The following ADARB2 variants were observed in gnomAD, a reference collection of about 807,000 sequenced individuals.
The protein encoded by ADARB2 is adenosine deaminase RNA specific B2 (inactive).
In ADARB2, 25 loss-of-function variants were observed where a neutral mutation model predicts 62.2. That is an observed-to-expected ratio of 0.40 (90% CI 0.29 to 0.56). ADARB2 has a LOEUF of 0.56. Ranked by LOEUF, ADARB2 falls within the 20% of genes least tolerant of loss-of-function variation. The pLI is 0.43. For synonymous variants in ADARB2, 572 were observed against 500.8 expected (o/e 1.14, Z -1.90); for missense variants, 1,071 against 1,077.4 (o/e 0.99, Z 0.08).
At chr10:1,649,582 G>T (rs781490432) in intron 1 of ADARB2, among the ~76,000 whole-genome samples, 2 of 152,240 alleles carry the variant, frequency 1.3e-5, no homozygotes, top group African/African-American at 4.8e-5. Flanking sequence ...AGGCACATAT[G>T]TGAAATTCTA....
At chr10:1,549,426 T>C (rs1832580596) in intron 1 of ADARB2, among the ~76,000 whole-genome samples, 1 of 152,086 alleles carries the variant, frequency 6.6e-6, no homozygotes, top group Non-Finnish European at 1.5e-5. Flanking sequence ...AAGGTATATT[T>C]GTGGGAGAAA....
At chr10:1,663,320 G>T (rs1460589529) in intron 1 of ADARB2, among the ~76,000 whole-genome samples, 2 of 152,106 alleles carry the variant, frequency 1.3e-5, no homozygotes, top group African/African-American at 2.4e-5. Context: ...TTACATCTGG[G>T]TTACTCTGCG....
chr10:1,441,751 C>A (rs1314978996), intron 1 of ADARB2, among the ~76,000 whole-genome samples: 1 of 152,100 alleles, frequency 6.6e-6, no homozygotes, highest in Non-Finnish European at 1.5e-5. Flanking sequence ...TGTATAGAAT[C>A]TCCTTTAATT....
chr10:1,303,853 C>A (rs1391780881), intron 3 of ADARB2, among the ~76,000 whole-genome samples: 2 of 151,606 alleles, frequency 1.3e-5, no homozygotes, highest in African/African-American at 4.8e-5. Flanking sequence ...CAGGCCTGCC[C>A]TAAAAGAGCT....
intron 3 of ADARB2, among the ~76,000 whole-genome samples, chr10:1,276,775 C>T (rs188919867): frequency 6.6e-6 from 1 of 152,190 alleles, no homozygotes; most frequent in African/African-American, 2.4e-5. Flanking sequence ...ATCTACAGAA[C>T]TCTCCACCCC....
Position 1,661,107 on chromosome 10 carries a change from A to G in ADARB2, c.100+75944T>C, listed in dbSNP as rs369144202. Among the ~76,000 whole-genome samples, 18 of 152,172 alleles carry G rather than the reference A, an allele frequency of 1.2e-4. No homozygotes were observed. The East Asian group carries it at 3.5e-3, about 29-fold the overall frequency. On this transcript the variant is annotated intron_variant, in intron 1 of 9. Coordinates refer to ENST00000381312, the MANE Select transcript of ADARB2 (RefSeq NM_018702.4). ...CCTCCCTAAACCCTTAAATACCCTTAGTCTGTAAGAGAGTGCTCCTGACCG... is the reference window on the plus strand; with the variant it reads ...CCTCCCTAAACCCTTAAATACCCTTGGTCTGTAAGAGAGTGCTCCTGACCG...
chr10:1,658,078 GTC>G (rs1012476216), intron 1 of ADARB2, among the ~76,000 whole-genome samples: 2 of 150,896 alleles, frequency 1.3e-5, no homozygotes, highest in South Asian at 2.1e-4. Context: ...GTGTCTCTGT[GTC>G]TCTCTGTCTG....
chr10:1,227,980 T>G (rs1479918190), intron 6 of ADARB2, among the ~76,000 whole-genome samples: 4 of 152,342 alleles, frequency 2.6e-5, no homozygotes, highest in Non-Finnish European at 5.9e-5. Context: ...CCATTAAAAT[T>G]CATTATCCTG....
intron 1 of ADARB2, among the ~76,000 whole-genome samples, chr10:1,545,513 A>G (rs1832505167): frequency 6.6e-6 from 1 of 152,168 alleles, no homozygotes. Flanking sequence ...GCGGGCAGTG[A>G]CCTTGACTGC....
At chr10:1,207,173 C>T (rs1837079711) in intron 7 of ADARB2, among the ~76,000 whole-genome samples, 1 of 151,966 alleles carries the variant, frequency 6.6e-6, no homozygotes, top group South Asian at 2.1e-4. Context: ...GTGGCGAAAC[C>T]CTGTCTCTAC....
chr10:1,335,505 A>AGATGGATG (rs371618685), intron 3 of ADARB2, among the ~76,000 whole-genome samples: 1 of 145,392 alleles, frequency 6.9e-6, no homozygotes, highest in Admixed American at 6.8e-5. Context: ...GTAGAAGGAC[A>AGATGGATG]GATGGATGGA....
chr10:1,401,475 C>T (rs1452388667), intron 1 of ADARB2, among the ~76,000 whole-genome samples: 2 of 152,216 alleles, frequency 1.3e-5, no homozygotes, highest in Admixed American at 6.5e-5. Flanking sequence ...CAGGTGCCAG[C>T]GCTGTTCGGG....
chr10:1,416,765 C>T (rs1832805661), intron 1 of ADARB2, among the ~76,000 whole-genome samples: 1 of 152,252 alleles, frequency 6.6e-6, no homozygotes, highest in Non-Finnish European at 1.5e-5. Context: ...ACTCAGTCTC[C>T]ATGAGAGCCA....
At chr10:1,567,566 C>T (rs1207614330) in intron 1 of ADARB2, among the ~76,000 whole-genome samples, 1 of 152,138 alleles carries the variant, frequency 6.6e-6, no homozygotes, top group Non-Finnish European at 1.5e-5. Flanking sequence ...GACGGTCAGC[C>T]CCTGCCAGGG....
chr10:1,658,607 G>T (rs991310951), intron 1 of ADARB2, among the ~76,000 whole-genome samples: 1 of 152,214 alleles, frequency 6.6e-6, no homozygotes, highest in Non-Finnish European at 1.5e-5. Flanking sequence ...ACCCAGTGGT[G>T]CAGGGGAAGC....
intron 1 of ADARB2, among the ~76,000 whole-genome samples, chr10:1,558,086 A>G (rs1194850807): frequency 6.6e-6 from 1 of 152,066 alleles, no homozygotes; most frequent in African/African-American, 2.4e-5. Context: ...CTTTTCATGG[A>G]GCAAAGAAGA....
chr10:1,410,753 C>G (rs1832752648), intron 1 of ADARB2, among the ~76,000 whole-genome samples: 1 of 152,062 alleles, frequency 6.6e-6, no homozygotes, highest in South Asian at 2.1e-4. Context: ...TTTGATTCAC[C>G]ACGGGGATGA....
chr10:1,536,663 A>G (rs1413891950), intron 1 of ADARB2, among the ~76,000 whole-genome samples: 1 of 152,236 alleles, frequency 6.6e-6, no homozygotes, highest in Non-Finnish European at 1.5e-5. Context: ...GACAGGCAAA[A>G]TGTTCCCAAG....
intron 1 of ADARB2, among the ~76,000 whole-genome samples, chr10:1,387,172 C>T (rs1240151297): frequency 6.6e-6 from 1 of 151,736 alleles, no homozygotes; most frequent in Non-Finnish European, 1.5e-5. Flanking sequence ...AACAAAGAAA[C>T]GTCCAACATT....
Sources: allele counts gnomAD v4.1 joint callset (sites outside exome capture counted in the v4.1 genomes callset), GRCh38; gene constraint gnomAD v4.1.1; transcripts MANE v1.5; gene names NCBI Gene and HGNC (gene_info 2026-07-23, HGNC 2026-07-21).